Variants in INSL6 observed in about 807,000 individuals in gnomAD.
The protein encoded by INSL6 is insulin-like peptide INSL6.
In INSL6, 16 loss-of-function variants were observed where a neutral mutation model predicts 9.4. The ratio of observed to expected loss-of-function variants is 1.70; its 90% CI spans 1.15 to 2.59. The LOEUF is 2.59. Ranked by LOEUF, INSL6 falls within the 30% of genes most tolerant of loss-of-function variation. INSL6 has a pLI of 0.00. For missense variants in INSL6, 391 were observed against 257.3 expected, an observed-to-expected ratio of 1.52 and a Z score of -3.56; for synonymous variants, 154 against 96.9, an observed-to-expected ratio of 1.59 and a Z score of -3.46.
chr9:5,069,920 T>C, the INSL6 span: 1 of 1,578,710 alleles, frequency 6.3e-7, no homozygotes, highest in Non-Finnish European at 8.6e-7. Flanking sequence ...ATTTTATTTT[T>C]TCAGATAAAT....
the INSL6 span, among the ~76,000 whole-genome samples, chr9:5,036,612 A>G: frequency 1.3e-5 from 2 of 152,236 alleles, no homozygotes; most frequent in African/African-American, 4.8e-5. Context: ...GAAATGGGGA[A>G]AGGATTCCCT....
At chr9:5,069,801 A>G in the INSL6 span, 15 of 476,692 alleles carry the variant, frequency 3.1e-5, no homozygotes, top group Non-Finnish European at 4.8e-5. Context: ...TATTATAAAA[A>G]AAGAACAATT....
At chr9:5,029,438 T>C in the INSL6 span, among the ~76,000 whole-genome samples, 2 of 152,170 alleles carry the variant, frequency 1.3e-5, no homozygotes, top group African/African-American at 4.8e-5. Context: ...ATTACCAAAA[T>C]GTGACATAGG....
At chr9:5,003,005 C>T in the INSL6 span, among the ~76,000 whole-genome samples, 1 of 151,938 alleles carries the variant, frequency 6.6e-6, no homozygotes, top group African/African-American at 2.4e-5. Context: ...TATTTCTTCA[C>T]TGAAATGCAA....
chr9:5,069,055 A>T, the INSL6 span: 1 of 1,601,646 alleles, frequency 6.2e-7, no homozygotes, highest in Non-Finnish European at 8.5e-7. Context: ...ACACTGTTTG[A>T]TTACAAAAAA....
At chr9:5,085,913 C>T in the INSL6 span, 1 of 1,018,658 alleles carries the variant, frequency 9.8e-7, no homozygotes, top group East Asian at 2.4e-5. Flanking sequence ...TACCCTCATA[C>T]AGACCTTTCA....
the INSL6 span, among the ~76,000 whole-genome samples, chr9:4,995,044 C>T: frequency 6.6e-6 from 1 of 152,118 alleles, no homozygotes; most frequent in South Asian, 2.1e-4. Context: ...GCCAAATTGA[C>T]ATAGAAATAC....
chr9:5,132,545 C>A (rs1226595858), intron 3 of INSL6, among the ~76,000 whole-genome samples: 3 of 143,416 alleles, frequency 2.1e-5, no homozygotes, highest in African/African-American at 8.9e-5. Context: ...AACATTTTTT[C>A]TTTTTCTTAA....
the INSL6 span, among the ~76,000 whole-genome samples, chr9:5,014,092 T>C: frequency 6.6e-6 from 1 of 152,026 alleles, no homozygotes; most frequent in African/African-American, 2.4e-5. Flanking sequence ...TAAAATGTGA[T>C]ATTTGAGGTA....
chr9:5,092,246 T>C, the INSL6 span, among the ~76,000 whole-genome samples: 1 of 151,716 alleles, frequency 6.6e-6, no homozygotes, highest in Non-Finnish European at 1.5e-5. Flanking sequence ...AAACCAAGAG[T>C]AGAGTGCTTG....
the INSL6 span, among the ~76,000 whole-genome samples, chr9:5,030,291 T>C: frequency 6.6e-6 from 1 of 152,192 alleles, no homozygotes; most frequent in South Asian, 2.1e-4. Flanking sequence ...TTTTAAAAAG[T>C]TGACGTGAAG....
chr9:5,012,137 A>G, the INSL6 span, among the ~76,000 whole-genome samples: 1 of 152,052 alleles, frequency 6.6e-6, no homozygotes, highest in African/African-American at 2.4e-5. Flanking sequence ...AGCAGCTCCA[A>G]ACTTCATTCT....
the INSL6 span, among the ~76,000 whole-genome samples, chr9:5,081,278 T>G: frequency 6.6e-6 from 1 of 152,118 alleles, no homozygotes; most frequent in African/African-American, 2.4e-5. Context: ...TTGCTTAAAT[T>G]GACTTTTAAA....
At chr9:5,050,861 AAGTGTG>A in the INSL6 span, 1 of 1,563,096 alleles carries the variant, frequency 6.4e-7, no homozygotes. Context: ...CCTTACACAT[AAGTGTG>A]AGTAGAGATT....
chr9:4,994,725 G>A, the INSL6 span, among the ~76,000 whole-genome samples: 41 of 152,080 alleles, frequency 2.7e-4, no homozygotes, highest in African/African-American at 9.2e-4. Context: ...TGGTATGTGT[G>A]AACTGTGCTC....
intron 1 of INSL6, among the ~76,000 whole-genome samples, chr9:5,177,282 C>A (rs1825330945): frequency 6.6e-6 from 1 of 152,132 alleles, no homozygotes. Flanking sequence ...CAGCAGGGAG[C>A]CAAAGGAAAC....
intron 3 of INSL6, chr9:5,126,652 C>G (rs373518918): frequency 1.2e-4 from 169 of 1,447,118 alleles, no homozygotes; most frequent in Non-Finnish European, 1.4e-4. Context: ...CCTTAGTGTT[C>G]ATTTAATTTT....
At chr9:5,009,980 C>T in the INSL6 span, among the ~76,000 whole-genome samples, 4 of 152,230 alleles carry the variant, frequency 2.6e-5, no homozygotes, top group African/African-American at 7.2e-5. Context: ...GCAATGTTGC[C>T]GGGGCTAGTC....
chr9:5,032,654 A>G, the INSL6 span, among the ~76,000 whole-genome samples: 1 of 152,238 alleles, frequency 6.6e-6, no homozygotes, highest in Non-Finnish European at 1.5e-5. Flanking sequence ...GTGGACCTCC[A>G]GCAAACTCCA....
Sources: gnomAD v4.1 joint callset for allele counts (sites outside exome capture counted in the v4.1 genomes callset) on GRCh38, gnomAD v4.1.1 for gene constraint, MANE v1.5 for transcripts, NCBI Gene and HGNC (gene_info 2026-07-23, HGNC 2026-07-21) for gene names.